TRPM2: variants seen among roughly 807,000 people sequenced by gnomAD.
TRPM2 encodes transient receptor potential cation channel subfamily M member 2.
TRPM2 carries 161 observed loss-of-function variants against 174.0 expected under a neutral mutation model. The ratio of observed to expected loss-of-function variants is 0.93; its 90% CI spans 0.81 to 1.05. The LOEUF is 1.05. Among genes scored for constraint, TRPM2 ranks in the 50% least tolerant of loss-of-function variants. The pLI, the probability that TRPM2 is intolerant of heterozygous loss-of-function variation, is 0.00. For missense variants in TRPM2, 2,057 were observed against 2,038.0 expected, an observed-to-expected ratio of 1.01 and a Z score of -0.18; for synonymous variants, 954 against 861.3, an observed-to-expected ratio of 1.11 and a Z score of -1.88.
rs200625577 is a variant in TRPM2, at chr21:44,397,802, C to G, written c.1988C>G (p.Ser663Cys). 2.5e-6 allele frequency: 4 copies of G among 1,607,472 alleles called. No homozygotes were observed. The East Asian group carries it at 9.0e-5, about 36-fold the overall frequency. Residue 663 changes from serine to cysteine, a missense_variant, in exon 13 of 32, where the codon TCC becomes TGC. Transcript: ENST00000397928. ...TGCAGCAAGATCCTGAAGGAACTGT[C>G]CAAGGAGGAGGAGGACACGGACAGC... Reference protein sequence around the residue: ...LACSKILKELSKEEEDTDSSE... With the variant: ...LACSKILKELCKEEEDTDSSE...
Position 44,366,756 on chromosome 21 carries a change from C to G in TRPM2, c.426C>G (p.Tyr142Ter). Residue 142 changes from tyrosine (Y) to a stop codon, truncating the protein, a stop_gained and splice_region_variant, in exon 4 of 32, where the codon TAC becomes TAG. Coordinates refer to ENST00000397928, the MANE Select transcript of TRPM2 (RefSeq NM_003307.4). LOFTEE classifies it high-confidence loss of function. The surrounding 1 kb of genome is among the most constrained non-coding windows in gnomAD (Gnocchi z 6.0). ...CCGCCGTTTTCCCTTTCCCGCAGTA[C>G]GTCCGAGTCTCCCAGGACACGCCCT... Reference protein sequence around the residue: ...FTGLSQKVKKYVRVSQDTPSS... With the variant: ...FTGLSQKVKK 1 of 1,613,972 alleles carries G rather than the reference C, an allele frequency of 6.2e-7. No homozygotes were observed. Among genetic ancestry groups the G allele is most frequent in the Non-Finnish European group, 8.5e-7 (1 of 1,179,978 alleles).
In TRPM2 at chr21:44,369,154, G is replaced by T. The variant is rs1164501797; in HGVS notation, c.605-23G>T. On this transcript the variant is annotated intron_variant, in intron 4 of 31. Coordinates refer to ENST00000397928, the MANE Select transcript of TRPM2 (RefSeq NM_003307.4). ...GGTGCCCCTCAGTGCTGTGGGGCCT[G>T]CCCACCCGTGCTCCTTCCCCAGGGG... is the stretch of plus-strand genomic sequence containing the variant. 3 of 1,576,914 alleles carry T rather than the reference G, an allele frequency of 1.9e-6. No homozygotes were observed. The East Asian group carries it at 6.8e-5, about 36-fold the overall frequency.
rs368348703 is a variant in TRPM2, at chr21:44,395,520, G to A, written c.1901G>A (p.Arg634His). Reference protein sequence around the residue: ...DLLIWAIVQNRRELAGIIWAQ... With the variant: ...DLLIWAIVQNHRELAGIIWAQ... ...CTCATTTGGGCCATTGTCCAGAACCGTCGGGAGCTGGCAGGAATCATCTGG... is the reference window on the plus strand; with the variant it reads ...CTCATTTGGGCCATTGTCCAGAACCATCGGGAGCTGGCAGGAATCATCTGG... Residue 634 changes from arginine (R) to histidine (H), a missense_variant, in exon 12 of 32, where the codon CGT (arginine) becomes CAT (histidine). Physicochemically the swap from Arg to His is conservative, Grantham distance 29 (BLOSUM62 0). Coordinates refer to ENST00000397928, the MANE Select transcript of TRPM2 (RefSeq NM_003307.4). 153 of 1,612,950 alleles carry A rather than the reference G, an allele frequency of 9.5e-5. No homozygotes were observed. The highest frequency in any genetic ancestry group is 1.2e-4 in the Non-Finnish European group (144 of 1,179,952).
intron 20 of TRPM2, chr21:44,415,563 C>T (rs1256090664): frequency 1.3e-5 from 2 of 152,240 alleles, no homozygotes; most frequent in African/African-American, 4.8e-5. Context: ...CAGTGAGACT[C>T]CTGACCTCCA....
intron 11 of TRPM2, 38 bp from the exon 12 acceptor site, chr21:44,395,376 C>A (rs550806932): frequency 2.5e-6 from 4 of 1,604,712 alleles, no homozygotes; most frequent in Non-Finnish European, 3.4e-6. Context: ...CTGAGCCAGG[C>A]GGCCCGGCTG....
At chr21:44,359,077 C>A (rs12626318) in intron 2 of TRPM2, among the ~76,000 whole-genome samples, 4,148 of 93,636 alleles carry the variant, frequency 0.044, 29 homozygotes, top group African/African-American at 0.083. Flanking sequence ...TTTTACAGAG[C>A]ACTGCTTGGT....
In TRPM2 at chr21:44,403,529, T is replaced by C. The variant is rs369966192; in HGVS notation, c.2539-1613T>C. ...ACACACATGTACACATGCACACAAA[T>C]GCACACACACATAGGCACACACACA... On this transcript the variant is annotated intron_variant, in intron 16 of 31. Coordinates refer to ENST00000397928, the MANE Select transcript of TRPM2 (RefSeq NM_003307.4). Among the ~76,000 whole-genome samples, 162 of 146,666 alleles carry C rather than the reference T, an allele frequency of 1.1e-3. 2 individuals carry two copies. The highest frequency in any genetic ancestry group is 3.9e-3 in the African/African-American group (151 of 39,140).
chr21:44,381,033 G>T (rs1405848647), intron 8 of TRPM2, among the ~76,000 whole-genome samples: 1 of 152,122 alleles, frequency 6.6e-6, no homozygotes, highest in African/African-American at 2.4e-5. Context: ...CTGGATGAGG[G>T]TGGAGTTCGC....
Position 44,400,384 on chromosome 21 carries a change from T to C in TRPM2, c.2321+13T>C, listed in dbSNP as rs374991008. 59 of 1,602,448 alleles carry C rather than the reference T, an allele frequency of 3.7e-5. No homozygotes were observed. The highest frequency in any genetic ancestry group is 5.0e-5 in the Non-Finnish European group (59 of 1,175,238). On this transcript the variant is annotated intron_variant, in intron 15 of 31. Coordinates refer to ENST00000397928, the MANE Select transcript of TRPM2 (RefSeq NM_003307.4). Reference sequence around the variant, plus strand: ...TCATCTCCTTCAGGTGCTGCAGGGCTGCGGGGCTGCGGGACTGTGGGGCTG... The same window carrying C: ...TCATCTCCTTCAGGTGCTGCAGGGCCGCGGGGCTGCGGGACTGTGGGGCTG...
At chr21:44,380,734 G>A (rs928694245) in intron 8 of TRPM2, among the ~76,000 whole-genome samples, 22 of 152,196 alleles carry the variant, frequency 1.4e-4, no homozygotes, top group South Asian at 6.2e-4. Flanking sequence ...GGGCGGCCCC[G>A]TCAGAGGGGC....
chr21:44,375,926 G>T lies in TRPM2; in HGVS notation c.865G>T (p.Asp289Tyr), dbSNP rs764369701. 6 of 1,613,982 alleles carry T rather than the reference G, an allele frequency of 3.7e-6. No individual in the cohort carries two copies. The highest frequency in any genetic ancestry group is 5.1e-6 in the Non-Finnish European group (6 of 1,180,026). ...SNHSHFILVD[D>Y]GTHGQYGVEI... ...CCACTCTCACTTCATCCTCGTGGACGACGGGACCCACGGCCAGTACGGGGT... is the reference window on the plus strand; with the variant it reads ...CCACTCTCACTTCATCCTCGTGGACTACGGGACCCACGGCCAGTACGGGGT... The change falls in exon 6 of 32, where the codon GAC (aspartate) becomes TAC (tyrosine). Residue 289 changes from aspartate (D) to tyrosine (Y), a missense_variant. By Grantham distance (160) the Asp-to-Tyr change is radical (BLOSUM62 -3). Coordinates refer to ENST00000397928, the MANE Select transcript of TRPM2 (RefSeq NM_003307.4).
intron 22 of TRPM2, among the ~76,000 whole-genome samples, chr21:44,419,958 C>T (rs937606006): frequency 7.0e-5 from 10 of 142,928 alleles, no homozygotes; most frequent in East Asian, 4.3e-4. Flanking sequence ...GTGGTGGTGA[C>T]GATGGTGGAT....
At chr21:44,409,297 G>A (rs1053917744) in intron 19 of TRPM2, among the ~76,000 whole-genome samples, 14 of 152,150 alleles carry the variant, frequency 9.2e-5, no homozygotes, top group Non-Finnish European at 1.5e-4. Context: ...GTCAGTCTTC[G>A]TTGTGGCTCT....
At chr21:44,436,231 C>T (rs964136669) in intron 28 of TRPM2, among the ~76,000 whole-genome samples, 2 of 152,194 alleles carry the variant, frequency 1.3e-5, no homozygotes, top group African/African-American at 4.8e-5. Context: ...GCCGGGGGCT[C>T]TTGCTGCCCC....
intron 16 of TRPM2, among the ~76,000 whole-genome samples, chr21:44,403,858 A>G (rs2049736542): frequency 6.6e-6 from 1 of 151,766 alleles, no homozygotes; most frequent in Non-Finnish European, 1.5e-5. Flanking sequence ...GTGTGCATAC[A>G]CACAAATATA....
chr21:44,410,896 G>T (rs1170822038), intron 19 of TRPM2, among the ~76,000 whole-genome samples: 1 of 115,068 alleles, frequency 8.7e-6, no homozygotes, highest in Non-Finnish European at 1.8e-5. Context: ...AGTTTTGACT[G>T]CACTGTCTTG....
At chr21:44,364,086 C>G (rs375167625) in intron 2 of TRPM2, 28 bp from the exon 3 acceptor site, 3 of 1,606,894 alleles carry the variant, frequency 1.9e-6, no homozygotes, top group Non-Finnish European at 2.6e-6. Flanking sequence ...ACCACACTCC[C>G]TGGGTGACTG....
chr21:44,407,656 C>G (rs2049952120), intron 19 of TRPM2, among the ~76,000 whole-genome samples: 3 of 151,678 alleles, frequency 2.0e-5, no homozygotes, highest in Non-Finnish European at 4.4e-5. Context: ...TGTGAGCTGC[C>G]TTTTCTGGGC....
rs1284831188 is a variant in TRPM2 at position 44,376,842 on chromosome 21, G to A, written c.952+829G>A. ...CCAGCTTGTGGGCCCCAGCCCCAGG[G>A]TCCAACTCAGCAGCTCCAGGTGGGC... On this transcript the variant is annotated intron_variant, in intron 6 of 31. Coordinates refer to ENST00000397928, the MANE Select transcript of TRPM2 (RefSeq NM_003307.4). This position sits in a 1 kb window ranked among gnomAD's most constrained non-coding sequence, Gnocchi z 4.2. Among the ~76,000 whole-genome samples the A allele has an allele frequency of 1.3e-5, 2 of 152,184 alleles. No homozygotes were observed. The highest frequency in any genetic ancestry group is 4.8e-5 in the African/African-American group (2 of 41,440).
Sources: allele counts gnomAD v4.1 joint callset (sites outside exome capture counted in the v4.1 genomes callset), GRCh38; gene constraint gnomAD v4.1.1; non-coding constraint Gnocchi (gnomAD v3.1); transcripts MANE v1.5; gene names NCBI Gene and HGNC (gene_info 2026-07-23, HGNC 2026-07-21).